FANCA: variants seen among roughly 807,000 people sequenced by gnomAD.
The protein encoded by FANCA is Fanconi anemia group A protein.
A neutral mutation model predicts 194.3 loss-of-function variants in FANCA; 236 were observed. The ratio of observed to expected loss-of-function variants is 1.21; its 90% CI spans 1.09 to 1.35. The LOEUF (loss-of-function observed/expected upper bound fraction) is 1.35. Ranked by LOEUF, FANCA falls within the 40% of genes most tolerant of loss-of-function variation. FANCA has a pLI of 0.00. For missense variants in FANCA, 2,628 were observed against 1,813.9 expected (o/e 1.45, Z -8.15); for synonymous variants, 1,014 against 715.8 (o/e 1.42, Z -6.65).
At chr16:89,781,982 GGGCGACA>G (rs2039727411) in intron 17 of FANCA, among the ~76,000 whole-genome samples, 1 of 151,578 alleles carries the variant, frequency 6.6e-6, no homozygotes, top group African/African-American at 2.4e-5. Context: ...ACTCCAGCCT[GGGCGACA>G]GAGCGAGACT....
chr16:89,767,033 C>G (rs2039152201), intron 27 of FANCA, 108 bp downstream of exon 27: 2 of 898,970 alleles, frequency 2.2e-6, no homozygotes, highest in Non-Finnish European at 1.9e-6. Context: ...CCAGGAGCTG[C>G]CCCTGAGATG....
chr16:89,748,545 G>T, intron 33 of FANCA, 114 bp downstream of exon 33: 1 of 869,872 alleles, frequency 1.1e-6, no homozygotes, highest in South Asian at 1.4e-5. Context: ...ATTTGACTTT[G>T]AACCCTTTCC....
rs1046904197 is a variant in FANCA, at chr16:89,748,830, C to T, written c.3240-63G>A. ...CGTACACTCTGCTCCTTCCCAAGGG[C>T]TCAGACTCTCAGAGCAGCAACCACC... On this transcript the variant is annotated intron_variant, in intron 32 of 42. Coordinates refer to ENST00000389301, the MANE Select transcript of FANCA (RefSeq NM_000135.4). The T allele has an allele frequency of 3.4e-5, 46 of 1,350,880 alleles. No homozygotes were observed. In the East Asian group the frequency reaches 1.1e-3, roughly 32 times the overall value. The allele number at this position is 1,350,880 out of a possible 1,614,324, so 83.7% of individuals were successfully genotyped here.
chr16:89,786,894 C>G (rs1264502407), intron 14 of FANCA, among the ~76,000 whole-genome samples: 1 of 152,186 alleles, frequency 6.6e-6, no homozygotes, highest in Non-Finnish European at 1.5e-5. Context: ...GCCAAGCACA[C>G]CATGTCTTAT....
At chr16:89,816,012 C>G in intron 1 of FANCA, 26 bp from the exon 2 acceptor site, 8 of 1,562,694 alleles carry the variant, frequency 5.1e-6, no homozygotes, top group Middle Eastern at 1.7e-4. Flanking sequence ...GGTTCGAAAC[C>G]ATCACAGCAC....
chr16:89,755,380 GT>G (rs1156560898), intron 30 of FANCA, among the ~76,000 whole-genome samples: 1 of 151,662 alleles, frequency 6.6e-6, no homozygotes, highest in East Asian at 1.9e-4. Flanking sequence ...TGCCTGGCTA[GT>G]TTTTGTATTT....
chr16:89,810,044 C>T (rs2040816304), intron 5 of FANCA, among the ~76,000 whole-genome samples: 1 of 150,486 alleles, frequency 6.6e-6, no homozygotes, highest in Non-Finnish European at 1.5e-5. Context: ...AAATAAATGC[C>T]AGGCGCGGTG....
chr16:89,783,350 ACCAT>A (rs1413073108), intron 15 of FANCA, among the ~76,000 whole-genome samples: 1 of 151,948 alleles, frequency 6.6e-6, no homozygotes, highest in Non-Finnish European at 1.5e-5. Flanking sequence ...GGAGATGGAG[ACCAT>A]CCTGGCTAAC....
intron 35 of FANCA, 21 bp downstream of exon 35, chr16:89,746,551 AAAACAAAACACC>A: frequency 6.3e-7 from 1 of 1,590,896 alleles, no homozygotes; most frequent in Non-Finnish European, 8.6e-7. Context: ...ACTCATCCCC[AAAACAAAACACC>A]AAACAAGACA....
chr16:89,807,109 T>G (rs916903285), intron 6 of FANCA, among the ~76,000 whole-genome samples: 2 of 152,220 alleles, frequency 1.3e-5, no homozygotes, highest in East Asian at 1.9e-4. Context: ...TACTTCTCCC[T>G]TTAATTCTGG....
intron 11 of FANCA, among the ~76,000 whole-genome samples, chr16:89,795,328 T>C (rs931039477): frequency 1.5e-5 from 2 of 129,816 alleles, no homozygotes; most frequent in Admixed American, 8.2e-5. Context: ...ATAAATAAAA[T>C]AAAGATATTT....
chr16:89,798,491 G>C, intron 10 of FANCA: 1 of 1,102,244 alleles, frequency 9.1e-7, no homozygotes, highest in Middle Eastern at 4.0e-4. Context: ...AGGTTGACAA[G>C]GCCTGGAAAC....
chr16:89,754,251 C>A (rs77440982), intron 30 of FANCA, among the ~76,000 whole-genome samples: 9,029 of 60,084 alleles, frequency 0.15, 417 homozygotes, highest in East Asian at 0.57. Context: ...AAAACAACAA[C>A]AAAAAAAACA....
At chr16:89,816,515 G>C (rs2143730492) in intron 1 of FANCA, 22 bp downstream of exon 1, 9 of 1,480,880 alleles carry the variant, frequency 6.1e-6, no homozygotes, top group Non-Finnish European at 8.0e-6. Flanking sequence ...GCCCACTCCC[G>C]CGGCCTGCCG....
chr16:89,815,576 G>C (rs546926605), intron 2 of FANCA, among the ~76,000 whole-genome samples: 8 of 152,074 alleles, frequency 5.3e-5, no homozygotes, highest in South Asian at 2.1e-4. Flanking sequence ...GGCTGGTCTC[G>C]AACTCCTGAC....
At chr16:89,768,224 G>A (rs541540761) in intron 26 of FANCA, among the ~76,000 whole-genome samples, 60 of 152,250 alleles carry the variant, frequency 3.9e-4, no homozygotes, top group African/African-American at 1.4e-3. Context: ...TGAGACCTGT[G>A]TCATTTACTC....
At chr16:89,758,746 C>T (rs765430452) in intron 29 of FANCA, 41 bp from the exon 30 acceptor site, 11 of 1,608,946 alleles carry the variant, frequency 6.8e-6, no homozygotes, top group African/African-American at 2.7e-5. Context: ...AGAAATGCTT[C>T]GTGGCCAGCG....
In FANCA at chr16:89,771,155, C is replaced by CAAAAAAAAAAAAA. The variant is rs34471552; in HGVS notation, c.2151+510_2151+522dup. ...GCCTGGGCAACAGAGAAGACTCAGTCAAAAAAAAAAAAAAAAAAAGAGGCC... is the reference window on the plus strand; with the variant it reads ...GCCTGGGCAACAGAGAAGACTCAGTCAAAAAAAAAAAAAAAAAAAAAAAAAAAAAAAAGAGGCC... On this transcript the variant is annotated intron_variant, in intron 23 of 42. Transcript: ENST00000389301. 2.5e-4 allele frequency among the ~76,000 whole-genome samples: 14 copies of CAAAAAAAAAAAAA among 56,640 alleles called. 1 individual carries two copies. The highest frequency in any genetic ancestry group is 9.5e-4 in the African/African-American group (13 of 13,712). 37.2% of individuals were successfully genotyped at this position (56,640 alleles called of 152,430 possible). A position where few individuals can be genotyped will look rare whatever the true frequency, so the allele number is the denominator to read the frequency against.
chr16:89,803,675 G>A (rs1200345124), intron 7 of FANCA, among the ~76,000 whole-genome samples: 2 of 149,646 alleles, frequency 1.3e-5, no homozygotes, highest in African/African-American at 5.0e-5. Context: ...CTGGGCTTGA[G>A]TGCAATGGTA....
Sources: allele counts gnomAD v4.1 joint callset (sites outside exome capture counted in the v4.1 genomes callset), GRCh38; gene constraint gnomAD v4.1.1; transcripts MANE v1.5; gene names NCBI Gene and HGNC (gene_info 2026-07-23, HGNC 2026-07-21).